The following MRPS35 variants were observed in gnomAD, a reference collection of about 807,000 sequenced individuals.
The protein encoded by MRPS35 is mitochondrial ribosomal protein S35.
MRPS35 carries 29 observed loss-of-function variants against 32.7 expected under a neutral mutation model. The observed-to-expected ratio is 0.89, with a 90% CI of 0.66 to 1.21. The LOEUF (loss-of-function observed/expected upper bound fraction) is 1.21. Among genes scored for constraint, MRPS35 ranks in the 50% most tolerant of loss-of-function variants. MRPS35 has a pLI of 0.00. For synonymous variants in MRPS35, 148 were observed against 139.3 expected, an observed-to-expected ratio of 1.06 and a Z score of -0.44; for missense variants, 373 against 383.8, an observed-to-expected ratio of 0.97 and a Z score of 0.23.
At chr12:27,731,119 A>G (rs1275296695) in intron 5 of MRPS35, among the ~76,000 whole-genome samples, 1 of 152,194 alleles carries the variant, frequency 6.6e-6, no homozygotes, top group East Asian at 1.9e-4. Context: ...GAGTTTAACC[A>G]TTGGGAACTC....
intron 5 of MRPS35, among the ~76,000 whole-genome samples, chr12:27,724,535 G>A (rs1172904298): frequency 1.3e-5 from 2 of 152,170 alleles, no homozygotes; most frequent in African/African-American, 4.8e-5. Flanking sequence ...CTGAGGTCAG[G>A]AGTTCAAGAC....
chr12:27,751,132 G>GA (rs1176255965), intron 7 of MRPS35, among the ~76,000 whole-genome samples: 6 of 122,302 alleles, frequency 4.9e-5, no homozygotes, highest in African/African-American at 1.5e-4. Flanking sequence ...AAAAAGAAAA[G>GA]AAAAGAAAAA....
At chr12:27,734,573 A>T (rs1028348279) in intron 5 of MRPS35, among the ~76,000 whole-genome samples, 1 of 152,144 alleles carries the variant, frequency 6.6e-6, no homozygotes, top group East Asian at 1.9e-4. Context: ...TCATCTCTAG[A>T]TAATACCTTT....
intron 5 of MRPS35, among the ~76,000 whole-genome samples, 153 bp downstream of exon 5, chr12:27,724,339 C>T (rs934386683): frequency 6.0e-5 from 9 of 151,082 alleles, no homozygotes; most frequent in African/African-American, 1.7e-4. Flanking sequence ...AGGAATTTGA[C>T]GCCAGCCTGG....
chr12:27,733,794 T>C (rs183090693), intron 5 of MRPS35, among the ~76,000 whole-genome samples: 2 of 152,372 alleles, frequency 1.3e-5, no homozygotes, highest in African/African-American at 2.4e-5. Context: ...ATAGTCAGTA[T>C]TCATATTACT....
intron 4 of MRPS35, 86 bp from the exon 5 acceptor site, chr12:27,723,961 C>T (rs2061887858): frequency 1.5e-6 from 2 of 1,310,280 alleles, no homozygotes; most frequent in Non-Finnish European, 2.1e-6. Flanking sequence ...GTGATGCTCT[C>T]AGTAATTTGG....
At chr12:27,748,910 C>T (rs1167617864) in intron 7 of MRPS35, among the ~76,000 whole-genome samples, 2 of 152,114 alleles carry the variant, frequency 1.3e-5, no homozygotes, top group Admixed American at 1.3e-4. Flanking sequence ...ATTCCACCTA[C>T]TTGAGAGGTG....
chr12:27,728,161 C>G (rs2061907833), intron 5 of MRPS35, among the ~76,000 whole-genome samples: 1 of 151,970 alleles, frequency 6.6e-6, no homozygotes, highest in South Asian at 2.1e-4. Context: ...GCATGTTGAT[C>G]CAATACCATT....
rs113589181 is a variant in MRPS35, at chr12:27,710,964, C to G, written c.112+9C>G. The G allele has an allele frequency of 3.9e-4, 623 of 1,609,176 alleles. 5 individuals carry two copies. The African/African-American group carries it at 7.1e-3, about 18-fold the overall frequency. ...CCCGACACCTAGCCTGCGTGAGTGT[C>G]TGTCTCGTCTTCTCTGGGCTTTGGG... On this transcript the variant is annotated intron_variant, in intron 1 of 7. Coordinates refer to ENST00000081029, the MANE Select transcript of MRPS35 (RefSeq NM_021821.4).
intron 7 of MRPS35, among the ~76,000 whole-genome samples, chr12:27,749,262 C>T (rs1307476815): frequency 6.6e-6 from 1 of 151,708 alleles, no homozygotes; most frequent in African/African-American, 2.4e-5. Context: ...TATTAACCTC[C>T]TATTTTTAAT....
chr12:27,754,758 C>A (rs1312280354), intron 7 of MRPS35, among the ~76,000 whole-genome samples: 5 of 109,878 alleles, frequency 4.6e-5, no homozygotes, highest in Non-Finnish European at 5.3e-5. Flanking sequence ...CAGAGTGAGA[C>A]CCATCTCAAA....
intron 7 of MRPS35, among the ~76,000 whole-genome samples, chr12:27,741,176 A>T (rs2061963549): frequency 6.6e-6 from 1 of 152,002 alleles, no homozygotes; most frequent in African/African-American, 2.4e-5. Context: ...TCAAAAAAAA[A>T]ATAATAATAA....
rs61415492 is a variant in MRPS35 at position 27,755,435 on chromosome 12, A to C, written c.957A>C (p.Leu319=). 1.3e-6 allele frequency: 2 copies of C among 1,564,836 alleles called. No homozygotes were observed. Among genetic ancestry groups the C allele is most frequent in the African/African-American group, 2.8e-5 (2 of 72,372 alleles). ...AGTACAAAGAATCCGTGAAGAGACT[A>C]TTAAATGTGACATGAATTATGGAGT... The part of the protein sequence containing the change: ...ISQYKESVKR[L]LNVT Residue 319 remains leucine (L), a synonymous_variant, in exon 8 of 8, where the codon CTA becomes CTC. Coordinates refer to ENST00000081029, the MANE Select transcript of MRPS35 (RefSeq NM_021821.4).
intron 6 of MRPS35, among the ~76,000 whole-genome samples, chr12:27,737,029 C>T (rs1021392262): frequency 1.3e-5 from 2 of 152,170 alleles, no homozygotes; most frequent in African/African-American, 4.8e-5. Context: ...GTGCGCATCA[C>T]CATGCCTGGC....
intron 3 of MRPS35, among the ~76,000 whole-genome samples, chr12:27,719,439 G>A (rs570882167): frequency 2.6e-5 from 4 of 152,114 alleles, no homozygotes; most frequent in Non-Finnish European, 4.4e-5. Flanking sequence ...GGCCGAGGCG[G>A]GTGGATCATG....
chr12:27,749,529 A>T (rs147656621), intron 7 of MRPS35, among the ~76,000 whole-genome samples: 277 of 152,340 alleles, frequency 1.8e-3, no homozygotes, highest in African/African-American at 6.5e-3. Context: ...AATATAGTGA[A>T]ACATTTGGAC....
chr12:27,721,528 A>G (rs572455023), intron 4 of MRPS35, among the ~76,000 whole-genome samples: 53 of 152,208 alleles, frequency 3.5e-4, no homozygotes, highest in Admixed American at 1.7e-3. Context: ...GTGTGGTGGC[A>G]TGTGCCTGTA....
intron 6 of MRPS35, among the ~76,000 whole-genome samples, chr12:27,737,125 C>T (rs1246859085): frequency 6.6e-6 from 1 of 152,204 alleles, no homozygotes; most frequent in Non-Finnish European, 1.5e-5. Flanking sequence ...ACCCTCCCAC[C>T]TCACCCTCCG....
chr12:27,724,117 T>G lies in MRPS35; in HGVS notation c.453T>G (p.Ile151Met), dbSNP rs373258590. Residue 151 changes from isoleucine (I) to methionine (M), a missense_variant, in exon 5 of 8, where the codon ATT (isoleucine) becomes ATG (methionine). Coordinates refer to ENST00000081029, the MANE Select transcript of MRPS35 (RefSeq NM_021821.4). ...GTGAGAAGCATTTTCCAATTGAAAT[T>G]GACAGCACTGATTATGTTTCATCAG... ...EKCEKHFPIEIDSTDYVSSGP... is the reference protein window; with the variant it reads ...EKCEKHFPIEMDSTDYVSSGP... The G allele has an allele frequency of 5.8e-5, 93 of 1,613,428 alleles. 1 individual carries two copies. The highest frequency in any genetic ancestry group is 7.4e-5 in the Non-Finnish European group (87 of 1,179,838).
Sources: gnomAD v4.1 joint callset for allele counts (sites outside exome capture counted in the v4.1 genomes callset) on GRCh38, gnomAD v4.1.1 for gene constraint, MANE v1.5 for transcripts, NCBI Gene and HGNC (gene_info 2026-07-23, HGNC 2026-07-21) for gene names.